Variants in ANKFY1 observed in about 807,000 individuals in gnomAD.
ANKFY1 encodes the protein ankyrin repeat and FYVE domain-containing protein 1.
ANKFY1 carries 47 observed loss-of-function variants against 128.3 expected under a neutral mutation model. That is an observed-to-expected ratio of 0.37 (90% CI 0.29 to 0.47). The LOEUF is 0.47. Ranked by LOEUF, ANKFY1 falls within the 20% of genes least tolerant of loss-of-function variation. The pLI is 1.00. For synonymous variants in ANKFY1, 553 were observed against 601.6 expected (o/e 0.92, Z 1.18); for missense variants, 1,222 against 1,510.6 (o/e 0.81, Z 3.17).
chr17:4,235,961 TG>T, intron 2 of ANKFY1, 71 bp from the exon 3 acceptor site: 2 of 1,087,536 alleles, frequency 1.8e-6, no homozygotes, highest in Non-Finnish European at 1.4e-6. Flanking sequence ...GATTCACAGC[TG>T]ATAAACACAT....
intron 8 of ANKFY1, 25 bp downstream of exon 8, chr17:4,197,348 G>T: frequency 6.2e-7 from 1 of 1,611,920 alleles, no homozygotes; most frequent in African/African-American, 1.3e-5. Flanking sequence ...AGTGCTAAGG[G>T]CACAGTGTCT....
intron 4 of ANKFY1, among the ~76,000 whole-genome samples, chr17:4,212,048 C>T (rs1418473884): frequency 6.6e-6 from 1 of 152,182 alleles, no homozygotes; most frequent in Non-Finnish European, 1.5e-5. Flanking sequence ...TTCCTCTATG[C>T]CAGAATTCCT....
chr17:4,186,188 T>C (rs2059608384), intron 11 of ANKFY1: 1 of 152,082 alleles, frequency 6.6e-6, no homozygotes, highest in Non-Finnish European at 1.5e-5. Context: ...CACTGGAGTG[T>C]TTTCACCCCA....
chr17:4,173,225 G>A (rs1200431337), intron 21 of ANKFY1, 129 bp downstream of exon 21: 12 of 759,644 alleles, frequency 1.6e-5, no homozygotes, highest in Non-Finnish European at 2.2e-5. Context: ...TAAAGTACCC[G>A]AAGCTGGTGA....
rs2059454904 is a variant in ANKFY1 at position 4,178,803 on chromosome 17, C to T, written c.2598+54G>A. On this transcript the variant is annotated intron_variant, in intron 18 of 24. Coordinates refer to ENST00000341657, the MANE Select transcript of ANKFY1 (RefSeq NM_001330063.2). The surrounding 1 kb of genome is among the most constrained non-coding windows in gnomAD (Gnocchi z 4.1). Reference sequence around the variant, plus strand: ...TAGTCGGTGACATCTGTCTAGTCTCCAGGTTCCGCGACGCCCAGGACCATG... The same window carrying T: ...TAGTCGGTGACATCTGTCTAGTCTCTAGGTTCCGCGACGCCCAGGACCATG... The T allele has an allele frequency of 3.2e-6, 5 of 1,560,062 alleles. No homozygotes were observed. The highest frequency in any genetic ancestry group is 2.3e-5 in the East Asian group (1 of 44,334).
At chr17:4,238,025 TCTC>T (rs1966995959) in intron 2 of ANKFY1, among the ~76,000 whole-genome samples, 1 of 151,898 alleles carries the variant, frequency 6.6e-6, no homozygotes, top group Admixed American at 6.6e-5. Context: ...ACAAAACTGT[TCTC>T]CTGAACTTGA....
Position 4,216,842 on chromosome 17 carries a change from ATC to A in ANKFY1, c.458+139_458+140del, listed in dbSNP as rs2060227754. 3 of 1,174,002 alleles carry A rather than the reference ATC, an allele frequency of 2.6e-6. No individual in the cohort carries two copies. The African/African-American group carries it at 4.5e-5, about 18-fold the overall frequency. The allele number at this position is 1,174,002 out of a possible 1,614,324, so 72.7% of individuals were successfully genotyped here. The stretch of plus-strand genomic sequence containing the variant: ...GATAACACAAAGCAAGGGAGGTAAC[ATC>A]TGTCCCCAGCATCGCCTTTAAAGGA... On this transcript the variant is annotated intron_variant, in intron 4 of 24. Transcript: ENST00000341657.
intron 3 of ANKFY1, chr17:4,223,293 G>C (rs778815438): frequency 1.9e-6 from 2 of 1,031,594 alleles, no homozygotes; most frequent in South Asian, 2.6e-5. Flanking sequence ...TTGTTTTTAC[G>C]GCAGTGCAAG....
chr17:4,260,719 A>T (rs985421085), intron 1 of ANKFY1, among the ~76,000 whole-genome samples: 13 of 151,966 alleles, frequency 8.6e-5, no homozygotes, highest in African/African-American at 3.1e-4. Context: ...TTTAGGACAG[A>T]CTTTAGCTAA....
Position 4,182,363 on chromosome 17 carries a change from C to T in ANKFY1, c.1953-14G>A, listed in dbSNP as rs768814669. The T allele has an allele frequency of 1.2e-5, 18 of 1,521,294 alleles. No individual in the cohort carries two copies. In the South Asian group the frequency reaches 1.7e-4, roughly 15 times the overall value. 94.2% of individuals were successfully genotyped at this position (1,521,294 alleles called of 1,614,324 possible). A position where few individuals can be genotyped will look rare whatever the true frequency, so the allele number is the denominator to read the frequency against. On this transcript the variant is annotated splice_polypyrimidine_tract_variant and intron_variant, in intron 14 of 24. Transcript: ENST00000341657. ...CCGTCCTGAGTCCTGCTAGGACATG[C>T]ACACCCAAACCAACGTTTGTGGTTG...
chr17:4,197,336 A>G (rs1460628033), intron 8 of ANKFY1, 37 bp downstream of exon 8: 2 of 1,605,882 alleles, frequency 1.2e-6, no homozygotes, highest in African/African-American at 1.3e-5. Context: ...TCTTCTGAGA[A>G]CAGTGCTAAG....
intron 16 of ANKFY1, among the ~76,000 whole-genome samples, chr17:4,180,760 C>CAAAAAAA (rs11392631): frequency 5.2e-5 from 3 of 58,018 alleles, no homozygotes; most frequent in African/African-American, 1.3e-4. Context: ...GACTCTGTCT[C>CAAAAAAA]AAAAAAAAAA....
rs1362493725 is a variant in ANKFY1 at position 4,165,177 on chromosome 17, A to G, written c.*2602T>C. 1 of 152,248 alleles carries G rather than the reference A, an allele frequency of 6.6e-6. No individual in the cohort carries two copies. The highest frequency in any genetic ancestry group is 1.5e-5 in the Non-Finnish European group (1 of 68,036). The allele number at this position is 152,248 out of a possible 1,614,324, so 9.4% of individuals were successfully genotyped here. On this transcript the variant is annotated 3_prime_UTR_variant, in exon 25 of 25. Coordinates refer to ENST00000341657, the MANE Select transcript of ANKFY1 (RefSeq NM_001330063.2). ...GCACATGGTCCGTACCTTTGTTTTA[A>G]AAACAACGACAACAAAAGACTGTTA...
At chr17:4,170,133 G>A (rs2059288645) in intron 23 of ANKFY1, among the ~76,000 whole-genome samples, 1 of 152,228 alleles carries the variant, frequency 6.6e-6, no homozygotes, top group Non-Finnish European at 1.5e-5. Flanking sequence ...CCCTGGGCAG[G>A]TCCTGTGCAT....
At chr17:4,195,271 A>G in intron 9 of ANKFY1, 94 bp from the exon 10 acceptor site, 1 of 1,367,016 alleles carries the variant, frequency 7.3e-7, no homozygotes, top group Non-Finnish European at 9.8e-7. Flanking sequence ...CCCTTTTTCA[A>G]TGACACATTT....
At chr17:4,190,457 G>A (rs1374970397) in intron 10 of ANKFY1, among the ~76,000 whole-genome samples, 1 of 151,606 alleles carries the variant, frequency 6.6e-6, no homozygotes, top group African/African-American at 2.4e-5. Flanking sequence ...AAAAAAAAAA[G>A]AAATGTCTAC....
At position 4,182,301 on chromosome 17, in the gene ANKFY1, A is replaced by C. The variant is rs757654268; in HGVS notation, c.2001T>G (p.Leu667=). Reference sequence around the variant, plus strand: ...TGCATATGGCATCAACTACGAGTGGAAGCTGGTTTCTGATGGCCAGCTGGA... The same window carrying C: ...TGCATATGGCATCAACTACGAGTGGCAGCTGGTTTCTGATGGCCAGCTGGA... ...TALQLAIRNQ[L]PLVVDAICTR... The change falls in exon 15 of 25, where the codon CTT becomes CTG. Residue 667 remains leucine (L), a synonymous_variant. Coordinates refer to ENST00000341657, the MANE Select transcript of ANKFY1 (RefSeq NM_001330063.2). 1.3e-6 allele frequency: 2 copies of C among 1,592,976 alleles called. No individual in the cohort carries two copies. The highest frequency in any genetic ancestry group is 1.7e-6 in the Non-Finnish European group (2 of 1,168,816).
chr17:4,182,435 ATCT>A (rs2059532763), intron 14 of ANKFY1, 86 bp from the exon 15 acceptor site: 1 of 1,062,702 alleles, frequency 9.4e-7, no homozygotes, highest in African/African-American at 1.6e-5. Flanking sequence ...AGAGTCCAGA[ATCT>A]TCTGTCTCTA....
chr17:4,243,810 TTAAC>T (rs1349450901), intron 1 of ANKFY1, among the ~76,000 whole-genome samples: 5 of 152,324 alleles, frequency 3.3e-5, no homozygotes, highest in African/African-American at 1.2e-4. Flanking sequence ...CCGTATTTGA[TTAAC>T]TAAATTCAAC....
Sources: gnomAD v4.1 joint callset for allele counts (sites outside exome capture counted in the v4.1 genomes callset) on GRCh38, gnomAD v4.1.1 for gene constraint, Gnocchi (gnomAD v3.1) non-coding constraint, MANE v1.5 for transcripts, NCBI Gene and HGNC (gene_info 2026-07-23, HGNC 2026-07-21) for gene names.